The following DYM variants were observed in gnomAD, a reference collection of about 807,000 sequenced individuals.
DYM encodes the protein dymeclin.
DYM carries 78 observed loss-of-function variants against 93.1 expected under a neutral mutation model. The ratio of observed to expected loss-of-function variants is 0.84; its 90% CI spans 0.70 to 1.01. DYM has a LOEUF of 1.01. DYM is among the 50% of genes least tolerant of loss of function. The pLI, the probability that DYM is intolerant of heterozygous loss-of-function variation, is 0.00. For synonymous variants in DYM, 321 were observed against 319.7 expected, an observed-to-expected ratio of 1.00 and a Z score of -0.04; for missense variants, 789 against 845.0, an observed-to-expected ratio of 0.93 and a Z score of 0.82.
chr18:49,402,366 C>T (rs12458268), intron 2 of DYM, among the ~76,000 whole-genome samples: 14,503 of 152,106 alleles, frequency 0.095, 898 homozygotes, highest in East Asian at 0.31. Context: ...ATGGTCAGGG[C>T]ATATAATGGT....
intron 15 of DYM, among the ~76,000 whole-genome samples, chr18:49,136,921 G>A (rs572095179): frequency 1.3e-5 from 2 of 152,244 alleles, no homozygotes; most frequent in Admixed American, 1.3e-4. Flanking sequence ...GACACAGAAT[G>A]CAAGTAAAAG....
intron 5 of DYM, among the ~76,000 whole-genome samples, chr18:49,376,703 G>A (rs1315820777): frequency 6.6e-6 from 1 of 152,218 alleles, no homozygotes; most frequent in Non-Finnish European, 1.5e-5. Flanking sequence ...AAAGGCGATA[G>A]ACTCCTTGGA....
chr18:49,234,893 G>C (rs1279384967), intron 13 of DYM, among the ~76,000 whole-genome samples: 1 of 152,214 alleles, frequency 6.6e-6, no homozygotes, highest in Non-Finnish European at 1.5e-5. Flanking sequence ...GTGCCAGTTA[G>C]ATGCAGGGGC....
chr18:49,144,352 A>AC (rs2084854037), intron 15 of DYM, among the ~76,000 whole-genome samples: 1 of 151,942 alleles, frequency 6.6e-6, no homozygotes, highest in Admixed American at 6.5e-5. Context: ...GGTGTGTTCT[A>AC]CATCAGGAGA....
chr18:49,059,366 C>A (rs946916414), intron 17 of DYM, among the ~76,000 whole-genome samples: 3 of 152,146 alleles, frequency 2.0e-5, no homozygotes, highest in Non-Finnish European at 4.4e-5. Context: ...GTTATAGCAG[C>A]CCCAGCGAAC....
intron 6 of DYM, among the ~76,000 whole-genome samples, chr18:49,352,175 C>T (rs1186959497): frequency 6.6e-6 from 1 of 152,082 alleles, no homozygotes; most frequent in Non-Finnish European, 1.5e-5. Flanking sequence ...AGCCAAATCC[C>T]ATAGAAACAC....
At chr18:49,403,581 AT>A (rs201256844) in intron 2 of DYM, among the ~76,000 whole-genome samples, 2 of 152,008 alleles carry the variant, frequency 1.3e-5, no homozygotes, top group African/African-American at 4.8e-5. Context: ...TAGGTTTTTT[AT>A]TTTTTTTAAA....
At chr18:49,313,925 A>G (rs2061765165) in intron 8 of DYM, among the ~76,000 whole-genome samples, 1 of 152,044 alleles carries the variant, frequency 6.6e-6, no homozygotes. Flanking sequence ...TTTGTCTTGC[A>G]CCACTTACCT....
intron 2 of DYM, among the ~76,000 whole-genome samples, chr18:49,425,199 T>C (rs892710245): frequency 6.6e-6 from 1 of 152,116 alleles, no homozygotes. Context: ...AACAGAGATA[T>C]AGATCAATGG....
At chr18:49,051,447 G>A (rs765578724) in intron 17 of DYM, among the ~76,000 whole-genome samples, 5 of 152,158 alleles carry the variant, frequency 3.3e-5, no homozygotes, top group Non-Finnish European at 7.3e-5. Flanking sequence ...TTCTGACTAG[G>A]TGTGGTTTTA....
Position 49,143,618 on chromosome 18 carries a change from G to C in DYM, c.1728+20067C>G, listed in dbSNP as rs182880000. ...ATAAAGGTTAAATATAGTTCTTTCT[G>C]ATTCCAATACTCATATTATTTAACT... On this transcript the variant is annotated intron_variant, in intron 15 of 17. Transcript: ENST00000675505. Among the ~76,000 whole-genome samples the C allele has an allele frequency of 2.1e-4, 32 of 152,178 alleles. No homozygotes were observed. The East Asian group carries it at 5.6e-3, about 27-fold the overall frequency.
At chr18:49,377,281 C>T (rs2067592580) in intron 5 of DYM, among the ~76,000 whole-genome samples, 1 of 152,126 alleles carries the variant, frequency 6.6e-6, no homozygotes, top group African/African-American at 2.4e-5. Flanking sequence ...AATTCTAGGC[C>T]GGGCACGGTG....
chr18:49,117,461 A>G (rs1195941945), intron 16 of DYM, among the ~76,000 whole-genome samples: 1 of 152,174 alleles, frequency 6.6e-6, no homozygotes, highest in Non-Finnish European at 1.5e-5. Context: ...TATGTGTTTC[A>G]TATCTTTATT....
intron 17 of DYM, among the ~76,000 whole-genome samples, chr18:49,085,472 G>T (rs33973388): frequency 0.32 from 47,868 of 151,924 alleles, 8,798 homozygotes; most frequent in Middle Eastern, 0.46. Context: ...AACATGCTGG[G>T]AGTGATTTTC....
chr18:49,130,967 C>A (rs1289255393), intron 15 of DYM, among the ~76,000 whole-genome samples: 1 of 152,196 alleles, frequency 6.6e-6, no homozygotes, highest in Non-Finnish European at 1.5e-5. Flanking sequence ...ATTCACTGAA[C>A]CTTTTTGAGC....
chr18:49,401,619 T>TTCTCTCTC (rs149946731), intron 2 of DYM, among the ~76,000 whole-genome samples: 1 of 149,918 alleles, frequency 6.7e-6, no homozygotes, highest in Non-Finnish European at 1.5e-5. Context: ...CAATCAACCT[T>TTCTCTCTC]TCTCTCTCTC....
At chr18:49,280,500 C>A (rs896331337) in intron 10 of DYM, among the ~76,000 whole-genome samples, 1 of 152,126 alleles carries the variant, frequency 6.6e-6, no homozygotes, top group Non-Finnish European at 1.5e-5. Context: ...CAGATGGCAG[C>A]GACCGAGATG....
intron 17 of DYM, chr18:49,048,622 A>C (rs112009165): frequency 7.6e-4 from 115 of 152,098 alleles, no homozygotes; most frequent in African/African-American, 2.7e-3. Flanking sequence ...TGCTCTCAGA[A>C]GAATTCCTTC....
chr18:49,401,708 T>A (rs2070850603), intron 2 of DYM, among the ~76,000 whole-genome samples: 1 of 151,916 alleles, frequency 6.6e-6, no homozygotes, highest in African/African-American at 2.4e-5. Flanking sequence ...GGAAGATAAT[T>A]CAGTAAGGAA....
Sources: gnomAD v4.1 joint callset for allele counts (sites outside exome capture counted in the v4.1 genomes callset) on GRCh38, gnomAD v4.1.1 for gene constraint, MANE v1.5 for transcripts, NCBI Gene and HGNC (gene_info 2026-07-23, HGNC 2026-07-21) for gene names.